Variants in PIP4K2C observed in about 807,000 individuals in gnomAD.
PIP4K2C encodes phosphatidylinositol 5-phosphate 4-kinase type-2 gamma.
A neutral mutation model predicts 45.0 loss-of-function variants in PIP4K2C; 21 were observed. The ratio of observed to expected loss-of-function variants is 0.47; its 90% confidence interval spans 0.33 to 0.67. PIP4K2C has a LOEUF of 0.67. PIP4K2C is among the 30% of genes least tolerant of loss of function. The probability of loss-of-function intolerance (pLI) is 0.02; values close to 1 mark genes in which losing one functional copy is unlikely to be tolerated. For missense variants in PIP4K2C, 456 were observed against 542.8 expected (o/e 0.84, Z 1.59); for synonymous variants, 201 against 204.8 (o/e 0.98, Z 0.16).
At chr12:57,600,540 ATTC>A in intron 7 of PIP4K2C, 103 bp downstream of exon 7, 2 of 859,834 alleles carry the variant, frequency 2.3e-6, no homozygotes, top group Non-Finnish European at 3.7e-6. Flanking sequence ...CCTTCCCTTT[ATTC>A]TTCAGGTCCT....
rs1883453330 is a variant in PIP4K2C at position 57,601,772 on chromosome 12, C to T, written c.*166C>T. ...TCCTGTCGAGTAGGCTCTTTCTGAC[C>T]CTCAGAAATACATTGTCCTTTTTCC... On this transcript the variant is annotated 3_prime_UTR_variant, in exon 10 of 10. Transcript: ENST00000354947. The T allele has an allele frequency of 1.6e-5, 10 of 632,420 alleles. No homozygotes were observed. The South Asian group carries it at 1.7e-4, about 11-fold the overall frequency. 39.2% of individuals were successfully genotyped at this position (632,420 alleles called of 1,614,324 possible). A position where few individuals can be genotyped will look rare whatever the true frequency, so the allele number is the denominator to read the frequency against.
intron 1 of PIP4K2C, among the ~76,000 whole-genome samples, chr12:57,591,931 G>T (rs1882980403): frequency 6.6e-6 from 1 of 152,118 alleles, no homozygotes; most frequent in Non-Finnish European, 1.5e-5. Flanking sequence ...CTTGGCTTTT[G>T]AATCTTGGTT....
At chr12:57,591,901 C>G (rs1336026531) in intron 1 of PIP4K2C, among the ~76,000 whole-genome samples, 2 of 152,040 alleles carry the variant, frequency 1.3e-5, no homozygotes, top group Non-Finnish European at 2.9e-5. Flanking sequence ...TGCTTTCCAC[C>G]TTGCTTCCCA....
rs1407057895 is a variant in PIP4K2C, at chr12:57,601,720, C to T, written c.*114C>T. ...TTCTTCCTTTGCTAAATTCAGGCTG[C>T]AGGCTCCTTCCATCCAGATAACTCC... On this transcript the variant is annotated 3_prime_UTR_variant, in exon 10 of 10. Coordinates refer to ENST00000354947, the MANE Select transcript of PIP4K2C (RefSeq NM_024779.5). 2.0e-5 allele frequency: 18 copies of T among 893,360 alleles called. No individual in the cohort carries two copies. The highest frequency in any genetic ancestry group is 1.2e-4 in the East Asian group (5 of 41,458). The allele number at this position is 893,360 out of a possible 1,614,324, so 55.3% of individuals were successfully genotyped here.
Position 57,601,870 on chromosome 12 carries a change from A to T in PIP4K2C, c.*264A>T. The T allele has an allele frequency of 2.2e-6, 1 of 464,802 alleles. No individual in the cohort carries two copies. Among genetic ancestry groups the T allele is most frequent in the Non-Finnish European group, 3.9e-6 (1 of 255,040 alleles). 28.8% of individuals were successfully genotyped at this position (464,802 alleles called of 1,614,324 possible). On this transcript the variant is annotated 3_prime_UTR_variant, in exon 10 of 10. Coordinates refer to ENST00000354947, the MANE Select transcript of PIP4K2C (RefSeq NM_024779.5). The stretch of plus-strand genomic sequence containing the variant: ...TTGTAGTATTAGAATGTTATTGTTG[A>T]CTCTCTCCCAAGTGCCTTGATCTTT...
chr12:57,594,001 C>T (rs2140183710), intron 1 of PIP4K2C, 24 bp from the exon 2 acceptor site: 1 of 1,596,868 alleles, frequency 6.3e-7, no homozygotes. Flanking sequence ...TCATGGCTTC[C>T]CTATTCATGG....
At position 57,593,675 on chromosome 12, in the gene PIP4K2C, G is replaced by GTTTTTTTTTTTTTT. The variant is rs56900742; in HGVS notation, c.175-331_175-318dup. The stretch of plus-strand genomic sequence containing the variant: ...CATGTAGCTGCCTTGAGCTTGCAGA[G>GTTTTTTTTTTTTTT]TTTTTTTTTTTTTTTTTTTTTTTTT... On this transcript the variant is annotated intron_variant, in intron 1 of 9. Coordinates refer to ENST00000354947, the MANE Select transcript of PIP4K2C (RefSeq NM_024779.5). 4.7e-5 allele frequency among the ~76,000 whole-genome samples: 3 copies of GTTTTTTTTTTTTTT among 64,048 alleles called. 1 individual carries two copies. Among genetic ancestry groups the GTTTTTTTTTTTTTT allele is most frequent in the Admixed American group, 2.2e-4 (1 of 4,476 alleles). 42.0% of individuals were successfully genotyped at this position (64,048 alleles called of 152,430 possible). A position where few individuals can be genotyped will look rare whatever the true frequency, so the allele number is the denominator to read the frequency against.
rs1882952353 is a variant in PIP4K2C at position 57,591,453 on chromosome 12, T to C, written c.164T>C (p.Val55Ala). ...CTGGTGGGTGTGTTCCTGTGGGGCG[T>C]AGCCCACTCGGTGAGAACCAGCCCT... ...DPLVGVFLWGVAHSINELSQV... is the reference protein window; with the variant it reads ...DPLVGVFLWGAAHSINELSQV... The change falls in exon 1 of 10, where the codon GTA becomes GCA. Residue 55 changes from valine to alanine, a missense_variant. Physicochemically the swap from Val to Ala is moderately conservative, Grantham distance 64. Coordinates refer to ENST00000354947, the MANE Select transcript of PIP4K2C (RefSeq NM_024779.5). 2 of 1,611,176 alleles carry C rather than the reference T, an allele frequency of 1.2e-6. No individual in the cohort carries two copies. Among genetic ancestry groups the C allele is most frequent in the South Asian group, 1.1e-5 (1 of 90,768 alleles).
In PIP4K2C at chr12:57,595,116, T is replaced by G. The variant is rs761275385; in HGVS notation, c.273-10T>G. ...TGTTTGTTTTCTTACTTTGAAAACC[T>G]GAATTTCAGGGAAAATCTGCCCAGT... On this transcript the variant is annotated splice_polypyrimidine_tract_variant and intron_variant, in intron 2 of 9. Transcript: ENST00000354947. 1.5e-5 allele frequency: 23 copies of G among 1,562,604 alleles called. No individual in the cohort carries two copies. The South Asian group carries it at 1.9e-4, about 13-fold the overall frequency.
chr12:57,599,179 C>A lies in PIP4K2C; in HGVS notation c.628C>A (p.Arg210Ser). Residue 210 changes from arginine to serine, a missense_variant, in exon 5 of 10, where the codon CGT (arginine) becomes AGT (serine). Around this residue, in one of 2 missense-constraint regions of PIP4K2C, gnomAD observed 421 missense variants for 473.1 expected, o/e 0.89. Coordinates refer to ENST00000354947, the MANE Select transcript of PIP4K2C (RefSeq NM_024779.5). Reference sequence around the variant, plus strand: ...TGTGATGCGCAATATGTTTAGCCACCGTCTTCCTGTGCACAGGAAGTATGA... The same window carrying A: ...TGTGATGCGCAATATGTTTAGCCACAGTCTTCCTGTGCACAGGAAGTATGA... Reference protein sequence around the residue: ...MLVMRNMFSHRLPVHRKYDLK... With the variant: ...MLVMRNMFSHSLPVHRKYDLK... 1 of 1,614,190 alleles carries A rather than the reference C, an allele frequency of 6.2e-7. No individual in the cohort carries two copies. The highest frequency in any genetic ancestry group is 1.6e-4 in the Middle Eastern group (1 of 6,062).
rs546303083 is a variant in PIP4K2C, at chr12:57,591,364, C to T, written c.75C>T (p.Ala25=). 2 of 1,613,836 alleles carry T rather than the reference C, an allele frequency of 1.2e-6. No individual in the cohort carries two copies. The highest frequency in any genetic ancestry group is 1.1e-5 in the South Asian group (1 of 91,068). The change falls in exon 1 of 10, where the codon GCC becomes GCT. Residue 25 remains alanine, a synonymous_variant. Coordinates refer to ENST00000354947, the MANE Select transcript of PIP4K2C (RefSeq NM_024779.5). ...TAGPGPGFGF[A]SKTKKKHFVQ... ...GCCCCGGCCCAGGTTTCGGCTTCGC[C>T]TCCAAGACCAAGAAGAAGCATTTCG...
intron 1 of PIP4K2C, among the ~76,000 whole-genome samples, chr12:57,591,793 T>C (rs1384048431): frequency 6.6e-6 from 1 of 151,902 alleles, no homozygotes; most frequent in Non-Finnish European, 1.5e-5. Flanking sequence ...GGGGAGGACA[T>C]TAGGGGGAGT....
rs1401459828 is a variant in PIP4K2C at position 57,601,682 on chromosome 12, G to A, written c.*76G>A. ...TTGGGGGAATTGTGGGGATATTCTA[G>A]CCACCAGTTCTCTTCTTCCTTTGCT... On this transcript the variant is annotated 3_prime_UTR_variant, in exon 10 of 10. Coordinates refer to ENST00000354947, the MANE Select transcript of PIP4K2C (RefSeq NM_024779.5). 1.3e-5 allele frequency: 17 copies of A among 1,283,914 alleles called. No homozygotes were observed. The highest frequency in any genetic ancestry group is 1.9e-5 in the Non-Finnish European group (17 of 879,574). 79.5% of individuals were successfully genotyped at this position (1,283,914 alleles called of 1,614,324 possible). A position where few individuals can be genotyped will look rare whatever the true frequency, so the allele number is the denominator to read the frequency against.
Position 57,602,122 on chromosome 12 carries a change from A to G in PIP4K2C, c.*516A>G, listed in dbSNP as rs539217781. ...TAGGATGGATGACACTCAAGATACTACAGATGTGGGTGCAGGCATGCACAC... is the reference window on the plus strand; with the variant it reads ...TAGGATGGATGACACTCAAGATACTGCAGATGTGGGTGCAGGCATGCACAC... On this transcript the variant is annotated 3_prime_UTR_variant, in exon 10 of 10. Coordinates refer to ENST00000354947, the MANE Select transcript of PIP4K2C (RefSeq NM_024779.5). 5.9e-6 allele frequency: 1 copy of G among 170,454 alleles called. No individual in the cohort carries two copies. The highest frequency in any genetic ancestry group is 1.5e-4 in the South Asian group (1 of 6,734). The allele number at this position is 170,454 out of a possible 1,614,324, so 10.6% of individuals were successfully genotyped here.
Position 57,603,321 on chromosome 12 carries a change from G to C in PIP4K2C, c.*1715G>C, listed in dbSNP as rs1445967169. 2.2e-4 allele frequency: 33 copies of C among 152,018 alleles called. No individual in the cohort carries two copies. Among genetic ancestry groups the C allele is most frequent in the Admixed American group, 2.2e-3 (33 of 15,222 alleles). The allele number at this position is 152,018 out of a possible 1,614,324, so 9.4% of individuals were successfully genotyped here. On this transcript the variant is annotated 3_prime_UTR_variant, in exon 10 of 10. Coordinates refer to ENST00000354947, the MANE Select transcript of PIP4K2C (RefSeq NM_024779.5). Reference sequence around the variant, plus strand: ...ATGGGCAGTATGGATGTCTTCATTTGTTGCTTCTGTTTTTCATCTTTTTTG... The same window carrying C: ...ATGGGCAGTATGGATGTCTTCATTTCTTGCTTCTGTTTTTCATCTTTTTTG...
Position 57,594,058 on chromosome 12 carries a change from A to T in PIP4K2C, c.208A>T (p.Met70Leu), listed in dbSNP as rs1883088580. ...GCTCAGCCAGGTGCCTCCCCCGGTG[A>T]TGCTGCTGCCAGATGACTTTAAGGC... ...NELSQVPPPV[M>L]LLPDDFKASS... The change falls in exon 2 of 10, where the codon ATG becomes TTG. Residue 70 changes from methionine (M) to leucine (L), a missense_variant. By Grantham distance (15) the Met-to-Leu change is conservative (BLOSUM62 2). Around this residue, in one of 2 missense-constraint regions of PIP4K2C, gnomAD observed 421 missense variants for 473.1 expected, o/e 0.89. Coordinates refer to ENST00000354947, the MANE Select transcript of PIP4K2C (RefSeq NM_024779.5). 1 of 1,613,944 alleles carries T rather than the reference A, an allele frequency of 6.2e-7. No individual in the cohort carries two copies. The highest frequency in any genetic ancestry group is 8.5e-7 in the Non-Finnish European group (1 of 1,180,008).
intron 4 of PIP4K2C, chr12:57,597,933 A>T (rs1883261685): frequency 6.6e-6 from 1 of 152,124 alleles, no homozygotes. Context: ...TTCAGAGGAG[A>T]AATGAGGTAT....
chr12:57,597,880 A>G (rs1158006347), intron 4 of PIP4K2C: 2 of 152,210 alleles, frequency 1.3e-5, no homozygotes, highest in Non-Finnish European at 2.9e-5. Context: ...GACAATGACT[A>G]GAATACTTAC....
chr12:57,601,353 G>A lies in PIP4K2C; in HGVS notation c.1185+5G>A. ...GCCAAAACTGTCAAGCATGGGGTGA[G>A]AGTTCGCAAAAGCCTTTCCTTTCCT... On this transcript the variant is annotated splice_donor_5th_base_variant and intron_variant, in intron 9 of 9. Coordinates refer to ENST00000354947, the MANE Select transcript of PIP4K2C (RefSeq NM_024779.5). The A allele has an allele frequency of 6.2e-7, 1 of 1,606,658 alleles. No homozygotes were observed. Among genetic ancestry groups the A allele is most frequent in the Non-Finnish European group, 8.5e-7 (1 of 1,173,514 alleles).
Sources: gnomAD v4.1 joint callset for allele counts (sites outside exome capture counted in the v4.1 genomes callset) on GRCh38, gnomAD v4.1.1 for gene constraint, gnomAD v4.1.1 regional missense constraint, MANE v1.5 for transcripts, NCBI Gene and HGNC (gene_info 2026-07-23, HGNC 2026-07-21) for gene names.